ARHGAP24: variants seen among roughly 807,000 people sequenced by gnomAD.
ARHGAP24 encodes Rho GTPase activating protein 24, also known as rho GTPase-activating protein 24.
A neutral mutation model predicts 76.4 loss-of-function variants in ARHGAP24; 50 were observed. The observed-to-expected ratio is 0.65, with a 90% CI of 0.52 to 0.83. The LOEUF is 0.83. ARHGAP24 is among the 40% of genes least tolerant of loss of function. ARHGAP24 has a pLI of 0.00. For missense variants in ARHGAP24, 930 were observed against 914.2 expected (o/e 1.02, Z -0.22); for synonymous variants, 345 against 323.3 (o/e 1.07, Z -0.72).
At chr4:85,975,917 TC>T (rs1739292635) in intron 7 of ARHGAP24, among the ~76,000 whole-genome samples, 1 of 152,152 alleles carries the variant, frequency 6.6e-6, no homozygotes, top group African/African-American at 2.4e-5. Flanking sequence ...CACAATAAGT[TC>T]CTCTAGTGAT....
At chr4:85,724,249 G>A (rs1035385702) in intron 3 of ARHGAP24, among the ~76,000 whole-genome samples, 1 of 152,078 alleles carries the variant, frequency 6.6e-6, no homozygotes, top group Non-Finnish European at 1.5e-5. Flanking sequence ...AACCCAACAA[G>A]TGTCTATCTT....
chr4:85,766,940 G>A (rs937149790), intron 3 of ARHGAP24, among the ~76,000 whole-genome samples: 2 of 152,058 alleles, frequency 1.3e-5, no homozygotes, highest in African/African-American at 2.4e-5. Flanking sequence ...TTATAATACC[G>A]TATTTTTACT....
intron 2 of ARHGAP24, among the ~76,000 whole-genome samples, chr4:85,576,202 G>T (rs1727364032): frequency 3.5e-5 from 1 of 28,474 alleles, no homozygotes; most frequent in African/African-American, 1.1e-4. Flanking sequence ...GGCCGAGGCG[G>T]GTGGATCACG....
intron 2 of ARHGAP24, among the ~76,000 whole-genome samples, chr4:85,582,367 G>A (rs1429660831): frequency 1.3e-5 from 2 of 151,970 alleles, no homozygotes; most frequent in Non-Finnish European, 2.9e-5. Flanking sequence ...CATTTTACAT[G>A]CAATTTTGAT....
chr4:85,918,010 C>T (rs1439742596), intron 3 of ARHGAP24, among the ~76,000 whole-genome samples: 1 of 152,028 alleles, frequency 6.6e-6, no homozygotes, highest in South Asian at 2.1e-4. Flanking sequence ...GGTCTCATGT[C>T]CCAAATCTTC....
At chr4:85,526,612 A>C (rs1451931900) in intron 1 of ARHGAP24, among the ~76,000 whole-genome samples, 1 of 151,992 alleles carries the variant, frequency 6.6e-6, no homozygotes, top group Non-Finnish European at 1.5e-5. Context: ...CGTTTTCCCT[A>C]CTTATATAAT....
chr4:85,625,999 A>G (rs1305260071), intron 2 of ARHGAP24, among the ~76,000 whole-genome samples: 1 of 152,032 alleles, frequency 6.6e-6, no homozygotes, highest in African/African-American at 2.4e-5. Flanking sequence ...AATACAGCAC[A>G]CTGATGGGTC....
At chr4:85,796,475 C>CA (rs1486422693) in intron 3 of ARHGAP24, among the ~76,000 whole-genome samples, 4 of 151,874 alleles carry the variant, frequency 2.6e-5, no homozygotes, top group East Asian at 3.9e-4. Flanking sequence ...CCAACATCAG[C>CA]AAAAAAATGG....
chr4:85,660,817 A>AAAAAAC (rs1560573731), intron 2 of ARHGAP24, among the ~76,000 whole-genome samples: 1 of 149,842 alleles, frequency 6.7e-6, no homozygotes, highest in African/African-American at 2.5e-5. Context: ...AAAAAAAAAA[A>AAAAAAC]TCTGTAGATG....
intron 1 of ARHGAP24, among the ~76,000 whole-genome samples, chr4:85,530,911 G>A (rs911477834): frequency 1.3e-5 from 2 of 152,052 alleles, no homozygotes; most frequent in Admixed American, 6.6e-5. Flanking sequence ...TTTGCATAAT[G>A]TGCAGGGACT....
At chr4:85,844,142 G>T (rs1246200856) in intron 3 of ARHGAP24, among the ~76,000 whole-genome samples, 1 of 152,074 alleles carries the variant, frequency 6.6e-6, no homozygotes, top group Non-Finnish European at 1.5e-5. Context: ...TATTAGTATT[G>T]TTAATAAACT....
intron 3 of ARHGAP24, among the ~76,000 whole-genome samples, chr4:85,831,328 T>A (rs570506814): frequency 6.6e-6 from 1 of 152,172 alleles, no homozygotes; most frequent in Non-Finnish European, 1.5e-5. Context: ...CAAGGAACCA[T>A]CAATAAAAAT....
chr4:85,660,079 CTTAACTTCAGA>C (rs1447330435), intron 2 of ARHGAP24, among the ~76,000 whole-genome samples: 4 of 152,226 alleles, frequency 2.6e-5, no homozygotes, highest in African/African-American at 9.6e-5. Context: ...ACGGCATGTG[CTTAACTTCAGA>C]TTTTAAAGTC....
chr4:85,823,657 G>T (rs1002313668), intron 3 of ARHGAP24, among the ~76,000 whole-genome samples: 24 of 152,160 alleles, frequency 1.6e-4, no homozygotes, highest in African/African-American at 5.6e-4. Context: ...AGGTGTGTGT[G>T]TTTGGGGAGG....
chr4:85,903,297 C>T (rs1425757369), intron 3 of ARHGAP24, among the ~76,000 whole-genome samples: 1 of 152,146 alleles, frequency 6.6e-6, no homozygotes, highest in African/African-American at 2.4e-5. Context: ...CCTGTAGCAG[C>T]ACTAAGATCA....
At chr4:85,540,704 A>G (rs922466471) in intron 1 of ARHGAP24, among the ~76,000 whole-genome samples, 2 of 152,148 alleles carry the variant, frequency 1.3e-5, no homozygotes, top group Non-Finnish European at 2.9e-5. Flanking sequence ...GCTCCATGCA[A>G]TAACTCTTCT....
intron 2 of ARHGAP24, among the ~76,000 whole-genome samples, chr4:85,683,506 G>T (rs1308443748): frequency 6.6e-6 from 1 of 152,142 alleles, no homozygotes; most frequent in Non-Finnish European, 1.5e-5. Flanking sequence ...ACTAATTTAT[G>T]ATAAAAACAT....
chr4:85,728,165 G>A (rs1406489026), intron 3 of ARHGAP24, among the ~76,000 whole-genome samples: 2 of 148,800 alleles, frequency 1.3e-5, no homozygotes, highest in African/African-American at 5.0e-5. Context: ...GGATTTCTTA[G>A]GAGATAGGTG....
chr4:85,501,254 T>G (rs935148095), intron 1 of ARHGAP24, among the ~76,000 whole-genome samples: 6 of 152,236 alleles, frequency 3.9e-5, no homozygotes, highest in Non-Finnish European at 7.3e-5. Context: ...ATGGGATGGC[T>G]GGGTCAAATG....
Sources: gnomAD v4.1 joint callset for allele counts (sites outside exome capture counted in the v4.1 genomes callset) on GRCh38, gnomAD v4.1.1 for gene constraint, MANE v1.5 for transcripts, NCBI Gene and HGNC (gene_info 2026-07-23, HGNC 2026-07-21) for gene names.